The following PHLPP1 variants were observed in gnomAD, a reference collection of about 807,000 sequenced individuals.
PHLPP1 encodes PH domain and leucine rich repeat protein phosphatase 1, also known as PH domain leucine-rich repeat-containing protein phosphatase 1.
Under a neutral mutation model 117.2 loss-of-function variants are expected in PHLPP1, and 42 were observed. The observed-to-expected ratio is 0.36, with a 90% CI of 0.28 to 0.46. The LOEUF (loss-of-function observed/expected upper bound fraction) is 0.46. PHLPP1 is among the 20% of genes least tolerant of loss of function. The probability of loss-of-function intolerance (pLI) is 1.00; values close to 1 mark genes in which losing one functional copy is unlikely to be tolerated. For missense variants in PHLPP1, 2,084 were observed against 2,241.9 expected (o/e 0.93, Z 1.42); for synonymous variants, 1,042 against 970.7 (o/e 1.07, Z -1.37).
chr18:62,726,756 G>C (rs1911086428), intron 1 of PHLPP1, among the ~76,000 whole-genome samples: 1 of 150,656 alleles, frequency 6.6e-6, no homozygotes, highest in South Asian at 2.1e-4. Flanking sequence ...GCTAACTTTT[G>C]TATTTTTAGT....
intron 6 of PHLPP1, among the ~76,000 whole-genome samples, chr18:62,898,015 C>CTT (rs1555680485): frequency 6.2e-5 from 9 of 144,520 alleles, no homozygotes; most frequent in African/African-American, 2.2e-4. Flanking sequence ...TTCCTCCTCC[C>CTT]TTCTCCTCTT....
chr18:62,847,582 A>T (rs951795929), intron 3 of PHLPP1, among the ~76,000 whole-genome samples: 6 of 152,210 alleles, frequency 3.9e-5, no homozygotes, highest in African/African-American at 1.4e-4. Flanking sequence ...TGTTGTTTTA[A>T]TATTGGTAAG....
intron 1 of PHLPP1, among the ~76,000 whole-genome samples, chr18:62,796,852 T>C (rs1020970538): frequency 3.3e-5 from 5 of 152,246 alleles, no homozygotes; most frequent in Non-Finnish European, 2.9e-5. Context: ...TTTACAGTTG[T>C]TTCAGAAAAC....
chr18:62,863,049 CTTTTT>C (rs11318520), intron 4 of PHLPP1, among the ~76,000 whole-genome samples: 1 of 141,866 alleles, frequency 7.0e-6, no homozygotes, highest in Admixed American at 7.1e-5. Context: ...CTGTGGTATT[CTTTTT>C]TTTTTTTTTT....
intron 1 of PHLPP1, among the ~76,000 whole-genome samples, chr18:62,731,841 G>A (rs1044555626): frequency 3.3e-5 from 5 of 152,188 alleles, no homozygotes; most frequent in African/African-American, 1.2e-4. Flanking sequence ...CTACATAGAA[G>A]ATCAAACCAG....
intron 1 of PHLPP1, among the ~76,000 whole-genome samples, chr18:62,753,323 T>G (rs987849629): frequency 2.0e-5 from 3 of 152,248 alleles, no homozygotes; most frequent in African/African-American, 7.2e-5. Context: ...CTTTTCTGAT[T>G]TAATCAACTG....
intron 12 of PHLPP1, among the ~76,000 whole-genome samples, chr18:62,948,154 G>C (rs983408711): frequency 5.3e-5 from 8 of 151,998 alleles, no homozygotes; most frequent in South Asian, 2.1e-4. Context: ...GTGAAACACT[G>C]TCTCTACTAA....
chr18:62,884,164 G>A (rs1375973892), intron 4 of PHLPP1, among the ~76,000 whole-genome samples: 1 of 152,184 alleles, frequency 6.6e-6, no homozygotes, highest in East Asian at 1.9e-4. Flanking sequence ...TCAATAAGAT[G>A]ATTTGTTTGT....
chr18:62,967,938 C>G (rs1418380180), intron 14 of PHLPP1, among the ~76,000 whole-genome samples: 1 of 152,020 alleles, frequency 6.6e-6, no homozygotes, highest in Non-Finnish European at 1.5e-5. Flanking sequence ...AGTTCTCCAC[C>G]TCAGCCTCCC....
chr18:62,733,664 A>G (rs1009221447), intron 1 of PHLPP1, among the ~76,000 whole-genome samples: 2 of 152,252 alleles, frequency 1.3e-5, no homozygotes, highest in Admixed American at 6.5e-5. Flanking sequence ...GTTTGTGGAA[A>G]CAAGCCAGCA....
chr18:62,728,037 A>G (rs1010432763), intron 1 of PHLPP1, among the ~76,000 whole-genome samples: 2 of 152,156 alleles, frequency 1.3e-5, no homozygotes, highest in Non-Finnish European at 2.9e-5. Flanking sequence ...GTGTAATCCT[A>G]GCACTTTGGG....
At chr18:62,802,729 TGA>T (rs1412857141) in intron 1 of PHLPP1, among the ~76,000 whole-genome samples, 2 of 151,976 alleles carry the variant, frequency 1.3e-5, no homozygotes, top group African/African-American at 2.4e-5. Flanking sequence ...TATAAATGGA[TGA>T]GTTACTGCCC....
chr18:62,962,283 T>TG (rs1910792636), intron 13 of PHLPP1, among the ~76,000 whole-genome samples: 1 of 152,066 alleles, frequency 6.6e-6, no homozygotes, highest in African/African-American at 2.4e-5. Context: ...TTTTATGTTC[T>TG]TTTATGTTAT....
At chr18:62,789,578 C>T (rs1913397596) in intron 1 of PHLPP1, among the ~76,000 whole-genome samples, 2 of 151,950 alleles carry the variant, frequency 1.3e-5, no homozygotes, top group South Asian at 2.1e-4. Context: ...GGACTGACTC[C>T]CTCCATTCTT....
At chr18:62,836,476 TAA>T (rs1568132868) in intron 2 of PHLPP1, among the ~76,000 whole-genome samples, 245 of 110,670 alleles carry the variant, frequency 2.2e-3, no homozygotes, top group African/African-American at 7.3e-3. Context: ...AATAAATAAA[TAA>T]ATAAATAAAA....
At chr18:62,795,910 G>A (rs665821) in intron 1 of PHLPP1, among the ~76,000 whole-genome samples, 7,409 of 152,248 alleles carry the variant, frequency 0.049, 263 homozygotes, top group Non-Finnish European at 0.075. Context: ...CCTGTACACA[G>A]CTATTAAAGT....
intron 12 of PHLPP1, among the ~76,000 whole-genome samples, chr18:62,957,014 C>G (rs1480580703): frequency 1.3e-5 from 2 of 152,030 alleles, no homozygotes. Context: ...TCCCTCCTCC[C>G]TTTTTTTAAA....
intron 10 of PHLPP1, among the ~76,000 whole-genome samples, chr18:62,927,517 A>T (rs1210295079): frequency 6.6e-6 from 1 of 152,214 alleles, no homozygotes; most frequent in South Asian, 2.1e-4. Flanking sequence ...AAGTGGACAA[A>T]CAGGAAGGGC....
chr18:62,954,632 G>C (rs1910561351), intron 12 of PHLPP1, among the ~76,000 whole-genome samples: 1 of 151,994 alleles, frequency 6.6e-6, no homozygotes, highest in Non-Finnish European at 1.5e-5. Context: ...TAATTTCTGT[G>C]AACGAACCTC....
Sources: allele counts gnomAD v4.1 joint callset (sites outside exome capture counted in the v4.1 genomes callset), GRCh38; gene constraint gnomAD v4.1.1; transcripts MANE v1.5; gene names NCBI Gene and HGNC (gene_info 2026-07-23, HGNC 2026-07-21).